Variants in GPR141 observed in about 807,000 individuals in gnomAD.
GPR141 encodes probable G protein-coupled receptor 141.
In GPR141, 6 loss-of-function variants were observed where a neutral mutation model predicts 6.8. The observed-to-expected ratio is 0.88, with a 90% CI of 0.48 to 1.74. The LOEUF (loss-of-function observed/expected upper bound fraction) is 1.74, where lower values mean the gene tolerates loss of function less well. GPR141 is among the 40% of genes most tolerant of loss of function. GPR141 has a pLI of 0.01. For synonymous variants in GPR141, 140 were observed against 142.3 expected, an observed-to-expected ratio of 0.98 and a Z score of 0.11; for missense variants, 372 against 372.9, an observed-to-expected ratio of 1.00 and a Z score of 0.02.
intron 2 of GPR141, among the ~76,000 whole-genome samples, chr7:37,735,759 TGAC>T (rs1286585256): frequency 2.6e-5 from 4 of 152,286 alleles, no homozygotes; most frequent in Non-Finnish European, 5.9e-5. Context: ...TAAATGTTCT[TGAC>T]GAGCCTTTTG....
chr7:37,740,351 CAGTT>C, intron 2 of GPR141, 25 bp from the exon 3 acceptor site: 1 of 1,396,134 alleles, frequency 7.2e-7, no homozygotes, highest in South Asian at 1.3e-5. Context: ...GAAAGCTTGT[CAGTT>C]ACTCTGGTGC....
At chr7:37,700,468 G>A (rs4723696) in intron 2 of GPR141, among the ~76,000 whole-genome samples, 51,232 of 151,940 alleles carry the variant, frequency 0.34, 8,796 homozygotes, top group Middle Eastern at 0.39. Flanking sequence ...GTAGCTTGAT[G>A]GTAGAAAGAT....
chr7:37,712,117 T>C (rs907332121), intron 2 of GPR141, among the ~76,000 whole-genome samples: 2 of 152,176 alleles, frequency 1.3e-5, no homozygotes, highest in Non-Finnish European at 2.9e-5. Context: ...CAGGGAAATA[T>C]GAAAATCCAA....
rs116051931 is a variant in GPR141 at position 37,709,953 on chromosome 7, C to T, written c.-15+24370C>T. On this transcript the variant is annotated intron_variant, in intron 2 of 2. Coordinates refer to ENST00000334425, the MANE Select transcript of GPR141 (RefSeq NM_001381946.1). The stretch of plus-strand genomic sequence containing the variant: ...GCATGAACAGTTGCCAAATGCCTGC[C>T]GGGTTCCCTGCACGCCCGCAGTAAG... Among the ~76,000 whole-genome samples the T allele has an allele frequency of 9.9e-3, 1,504 of 152,054 alleles. 27 individuals carry two copies. Among genetic ancestry groups the T allele is most frequent in the African/African-American group, 0.034 (1,407 of 41,522 alleles).
At chr7:37,737,164 A>G (rs923149073) in intron 2 of GPR141, among the ~76,000 whole-genome samples, 6 of 152,174 alleles carry the variant, frequency 3.9e-5, no homozygotes, top group Admixed American at 3.9e-4. Flanking sequence ...GAGTGTGTCA[A>G]AAGTTGATCT....
At chr7:37,689,188 A>G (rs1409519962) in intron 2 of GPR141, among the ~76,000 whole-genome samples, 1 of 152,068 alleles carries the variant, frequency 6.6e-6, no homozygotes, top group Non-Finnish European at 1.5e-5. Context: ...GTGATATGTC[A>G]GATTTGTCGA....
At chr7:37,720,657 C>T (rs996120288) in intron 2 of GPR141, among the ~76,000 whole-genome samples, 16 of 149,546 alleles carry the variant, frequency 1.1e-4, no homozygotes, top group Non-Finnish European at 1.9e-4. Context: ...AGGAGAATGG[C>T]GTGAACCCGG....
Position 37,741,435 on chromosome 7 carries a change from A to T in GPR141, c.*124A>T, listed in dbSNP as rs1812559854. 2.8e-6 allele frequency: 2 copies of T among 715,166 alleles called. No homozygotes were observed. Among genetic ancestry groups the T allele is most frequent in the Non-Finnish European group, 4.5e-6 (2 of 440,286 alleles). 44.3% of individuals were successfully genotyped at this position (715,166 alleles called of 1,614,324 possible). A position where few individuals can be genotyped will look rare whatever the true frequency, so the allele number is the denominator to read the frequency against. On this transcript the variant is annotated 3_prime_UTR_variant, in exon 3 of 3. Coordinates refer to ENST00000334425, the MANE Select transcript of GPR141 (RefSeq NM_001381946.1). The stretch of plus-strand genomic sequence containing the variant: ...GCCTTGATGTACCCAAAACAAAAGG[A>T]CTATAAAATGCAAGAGCCCTCATTG...
At chr7:37,728,307 A>G (rs1005334688) in intron 2 of GPR141, among the ~76,000 whole-genome samples, 2 of 152,072 alleles carry the variant, frequency 1.3e-5, no homozygotes, top group Non-Finnish European at 2.9e-5. Context: ...TATTCATTTC[A>G]GAATCTTTGC....
rs1812568843 is a variant in GPR141 at position 37,741,625 on chromosome 7, TTCTAAGTTCC to T, written c.*318_*327del. On this transcript the variant is annotated 3_prime_UTR_variant, in exon 3 of 3. Coordinates refer to ENST00000334425, the MANE Select transcript of GPR141 (RefSeq NM_001381946.1). ...AGAGTTTTAGAGTTTCATTAGCTCATTCTAAGTTCCTCTGTTTGAAGCATGGTCTCTTAGG... is the reference window on the plus strand; with the variant it reads ...AGAGTTTTAGAGTTTCATTAGCTCATTCTGTTTGAAGCATGGTCTCTTAGG... Among the ~76,000 whole-genome samples the T allele has an allele frequency of 6.6e-6, 1 of 152,316 alleles. No individual in the cohort carries two copies. The highest frequency in any genetic ancestry group is 1.5e-5 in the Non-Finnish European group (1 of 68,014).
intron 2 of GPR141, among the ~76,000 whole-genome samples, chr7:37,702,473 T>G (rs1810320104): frequency 6.6e-6 from 1 of 152,072 alleles, no homozygotes; most frequent in Non-Finnish European, 1.5e-5. Flanking sequence ...ACTCTATTTT[T>G]ACTCTTTTAT....
rs1812557682 is a variant in GPR141 at position 37,741,365 on chromosome 7, TA to T, written c.*55del. The T allele has an allele frequency of 7.7e-7, 1 of 1,291,784 alleles. No individual in the cohort carries two copies. Among genetic ancestry groups the T allele is most frequent in the Non-Finnish European group, 1.1e-6 (1 of 929,928 alleles). 80.0% of individuals were successfully genotyped at this position (1,291,784 alleles called of 1,614,324 possible). ...CCTTTATATTGGGAATAAAAATGGG[TA>T]TAGGGGAGGTAAGAATGGTATTTCA... On this transcript the variant is annotated 3_prime_UTR_variant, in exon 3 of 3. Transcript: ENST00000334425.
At chr7:37,724,019 A>G (rs1811490978) in intron 2 of GPR141, among the ~76,000 whole-genome samples, 1 of 152,194 alleles carries the variant, frequency 6.6e-6, no homozygotes, top group African/African-American at 2.4e-5. Flanking sequence ...TTTCGAGAAC[A>G]TGGGTGGCAG....
intron 2 of GPR141, among the ~76,000 whole-genome samples, chr7:37,694,407 A>G (rs891101520): frequency 2.0e-5 from 3 of 152,118 alleles, no homozygotes; most frequent in Non-Finnish European, 4.4e-5. Flanking sequence ...CCATTTCCCC[A>G]GGAAAGGTTG....
chr7:37,687,619 A>G (rs1012084385), intron 2 of GPR141, among the ~76,000 whole-genome samples: 9 of 152,134 alleles, frequency 5.9e-5, no homozygotes, highest in African/African-American at 1.9e-4. Flanking sequence ...TGCTTCATGA[A>G]TGGGAGCTCG....
rs140719690 is a variant in GPR141 at position 37,734,044 on chromosome 7, A to G, written c.-14-6336A>G. Among the ~76,000 whole-genome samples the G allele has an allele frequency of 5.0e-3, 762 of 152,028 alleles. 7 individuals carry two copies. The highest frequency in any genetic ancestry group is 0.018 in the African/African-American group (728 of 41,466). ...AAAGTTAGGCCAGGCGTGGTGGTGC[A>G]CACCTGTAGTCCTAGCTACTGGGAA... On this transcript the variant is annotated intron_variant, in intron 2 of 2. Transcript: ENST00000334425.
intron 2 of GPR141, among the ~76,000 whole-genome samples, chr7:37,723,585 C>T (rs1312943219): frequency 6.6e-6 from 1 of 152,142 alleles, no homozygotes; most frequent in African/African-American, 2.4e-5. Flanking sequence ...TATTCTTGCT[C>T]TATCACATTT....
At chr7:37,736,983 A>C (rs1384309008) in intron 2 of GPR141, among the ~76,000 whole-genome samples, 2 of 151,276 alleles carry the variant, frequency 1.3e-5, no homozygotes, top group Non-Finnish European at 2.9e-5. Context: ...AAAGCATGAA[A>C]ACTGAGAATA....
chr7:37,696,420 T>C (rs1810017300), intron 2 of GPR141, among the ~76,000 whole-genome samples: 1 of 152,198 alleles, frequency 6.6e-6, no homozygotes, highest in African/African-American at 2.4e-5. Context: ...AATACCCTGC[T>C]ATGTGTTTTT....
Sources: gnomAD v4.1 joint callset for allele counts (sites outside exome capture counted in the v4.1 genomes callset) on GRCh38, gnomAD v4.1.1 for gene constraint, MANE v1.5 for transcripts, NCBI Gene and HGNC (gene_info 2026-07-23, HGNC 2026-07-21) for gene names.